Variants in PDZRN4 observed in about 807,000 individuals in gnomAD.
The protein encoded by PDZRN4 is PDZ domain containing ring finger 4.
PDZRN4 carries 70 observed loss-of-function variants against 99.0 expected under a neutral mutation model. The observed-to-expected ratio is 0.71, with a 90% CI of 0.58 to 0.86. The LOEUF is 0.86. Ranked by LOEUF, PDZRN4 falls within the 40% of genes least tolerant of loss-of-function variation. The pLI is 0.00. For missense variants in PDZRN4, 1,474 were observed against 1,331.2 expected (o/e 1.11, Z -1.67); for synonymous variants, 551 against 501.6 (o/e 1.10, Z -1.32).
At chr12:41,306,069 G>C (rs1477542873) in intron 3 of PDZRN4, among the ~76,000 whole-genome samples, 3 of 152,172 alleles carry the variant, frequency 2.0e-5, no homozygotes. Flanking sequence ...ATGGGTCCCA[G>C]ATAAACCTGA....
At position 41,571,372 on chromosome 12, in the gene PDZRN4, T is replaced by A. The variant is rs571094309; in HGVS notation, c.1585-992T>A. ...CTCTCTCTCTCTCTCTCTCTCTCTC[T>A]CTCTCACACACACACACACACACAC... On this transcript the variant is annotated intron_variant, in intron 9 of 9. Transcript: ENST00000402685. Among the ~76,000 whole-genome samples the A allele has an allele frequency of 2.0e-3, 203 of 103,676 alleles. 1 individual carries two copies. Among genetic ancestry groups the A allele is most frequent in the African/African-American group, 8.6e-3 (160 of 18,590 alleles). 68.0% of individuals were successfully genotyped at this position (103,676 alleles called of 152,430 possible).
intron 3 of PDZRN4, among the ~76,000 whole-genome samples, chr12:41,399,561 C>T (rs907037230): frequency 2.0e-5 from 3 of 151,884 alleles, no homozygotes; most frequent in Admixed American, 2.0e-4. Context: ...ATGGTGAAAC[C>T]CCATCTCTAC....
intron 3 of PDZRN4, among the ~76,000 whole-genome samples, chr12:41,212,283 G>T (rs1244983470): frequency 6.6e-6 from 1 of 151,914 alleles, no homozygotes; most frequent in African/African-American, 2.4e-5. Context: ...ACTTTCATTT[G>T]TTTCTTAGTG....
chr12:41,572,756 A>C lies in PDZRN4; in HGVS notation c.1977A>C (p.Gln659His), dbSNP rs1939504847. 1 of 1,614,048 alleles carries C rather than the reference A, an allele frequency of 6.2e-7. No homozygotes were observed. Among genetic ancestry groups the C allele is most frequent in the Non-Finnish European group, 8.5e-7 (1 of 1,180,014 alleles). Residue 659 changes from glutamine to histidine, a missense_variant, in exon 10 of 10, where the codon CAA (glutamine) becomes CAC (histidine). Gln to His is a conservative substitution (Grantham distance 24). Transcript: ENST00000402685. ...SSTIECNQGE[Q>H]EGVEHELQLL... ...CAATTGAATGCAATCAAGGGGAGCA[A>C]GAGGGAGTGGAGCATGAGCTACAGT...
chr12:41,470,093 G>T (rs1952971863), intron 3 of PDZRN4, among the ~76,000 whole-genome samples: 1 of 152,028 alleles, frequency 6.6e-6, no homozygotes, highest in Non-Finnish European at 1.5e-5. Context: ...TTGACTACTT[G>T]AAGGCCTTTA....
At chr12:41,521,568 C>T (rs2120715703) in intron 5 of PDZRN4, among the ~76,000 whole-genome samples, 1 of 152,186 alleles carries the variant, frequency 6.6e-6, no homozygotes, top group East Asian at 1.9e-4. Flanking sequence ...AGAACTTTGA[C>T]ATGGTGCATA....
rs377715366 is a variant in PDZRN4 at position 41,404,252 on chromosome 12, A to C, written c.844-102204A>C. ...CCCATGGATTCGGAAGACCAACTGT[A>C]AACATGGCCATAGAAATGCGAGTAG... On this transcript the variant is annotated intron_variant, in intron 3 of 9. Coordinates refer to ENST00000402685, the MANE Select transcript of PDZRN4 (RefSeq NM_001164595.2). Among the ~76,000 whole-genome samples, 30 of 152,286 alleles carry C rather than the reference A, an allele frequency of 2.0e-4. No homozygotes were observed. In the East Asian group the frequency reaches 4.8e-3, roughly 24 times the overall value.
intron 3 of PDZRN4, among the ~76,000 whole-genome samples, chr12:41,266,751 T>C (rs1418649616): frequency 6.6e-6 from 1 of 152,192 alleles, no homozygotes; most frequent in Non-Finnish European, 1.5e-5. Flanking sequence ...ATATGTTTGT[T>C]GGGAAAAAAT....
intron 3 of PDZRN4, among the ~76,000 whole-genome samples, chr12:41,495,663 A>T (rs533069705): frequency 1.1e-4 from 16 of 152,196 alleles, no homozygotes; most frequent in African/African-American, 3.6e-4. Flanking sequence ...AAATGAGGCC[A>T]CACTACTTTT....
intron 3 of PDZRN4, among the ~76,000 whole-genome samples, chr12:41,227,503 C>G (rs1428368204): frequency 6.6e-6 from 1 of 151,834 alleles, no homozygotes; most frequent in East Asian, 1.9e-4. Context: ...CATCTCTACC[C>G]AAAATACAAA....
intron 3 of PDZRN4, among the ~76,000 whole-genome samples, chr12:41,231,333 A>C (rs544740870): frequency 6.6e-6 from 1 of 152,182 alleles, no homozygotes; most frequent in African/African-American, 2.4e-5. Flanking sequence ...CAGCATTAAA[A>C]ACTCATTTGT....
intron 3 of PDZRN4, among the ~76,000 whole-genome samples, chr12:41,427,109 A>G (rs1262633817): frequency 6.6e-6 from 1 of 152,188 alleles, no homozygotes; most frequent in Non-Finnish European, 1.5e-5. Context: ...CTGTAACCAT[A>G]TGGCTGTTTT....
At chr12:41,457,837 T>C (rs1182905429) in intron 3 of PDZRN4, among the ~76,000 whole-genome samples, 1 of 152,170 alleles carries the variant, frequency 6.6e-6, no homozygotes, top group East Asian at 1.9e-4. Flanking sequence ...ATTTACTGAG[T>C]GTGAATGATT....
At chr12:41,546,703 C>T (rs1163545771) in intron 5 of PDZRN4, among the ~76,000 whole-genome samples, 1 of 152,086 alleles carries the variant, frequency 6.6e-6, no homozygotes, top group Non-Finnish European at 1.5e-5. Context: ...CATAAGGAGA[C>T]AGGAGTGAGC....
At chr12:41,537,488 TG>T (rs1348983987) in intron 5 of PDZRN4, among the ~76,000 whole-genome samples, 1 of 152,072 alleles carries the variant, frequency 6.6e-6, no homozygotes, top group Non-Finnish European at 1.5e-5. Context: ...ACAACAGAGT[TG>T]GTGGGTGGTT....
chr12:41,353,183 T>C (rs1432063828), intron 3 of PDZRN4, among the ~76,000 whole-genome samples: 1 of 152,122 alleles, frequency 6.6e-6, no homozygotes, highest in Non-Finnish European at 1.5e-5. Flanking sequence ...TGAGACAGAA[T>C]AGGATTTTTT....
Position 41,452,116 on chromosome 12 carries a change from C to CAA in PDZRN4, c.844-54328_844-54327dup, listed in dbSNP as rs34095768. Among the ~76,000 whole-genome samples the CAA allele has an allele frequency of 6.9e-3, 979 of 142,812 alleles. 13 individuals are homozygous for CAA. The highest frequency in any genetic ancestry group is 0.023 in the African/African-American group (919 of 39,474). The allele number at this position is 142,812 out of a possible 152,430, so 93.7% of individuals were successfully genotyped here. A position where few individuals can be genotyped will look rare whatever the true frequency, so the allele number is the denominator to read the frequency against. Reference sequence around the variant, plus strand: ...TTGCTTCTAGAAGGTGAATAAGAGACAAAAAAAAAAAAAGTGGCTAATAGG... The same window carrying CAA: ...TTGCTTCTAGAAGGTGAATAAGAGACAAAAAAAAAAAAAAAGTGGCTAATAGG... On this transcript the variant is annotated intron_variant, in intron 3 of 9. Coordinates refer to ENST00000402685, the MANE Select transcript of PDZRN4 (RefSeq NM_001164595.2).
At chr12:41,515,557 G>A (rs753864191) in intron 5 of PDZRN4, among the ~76,000 whole-genome samples, 3 of 151,998 alleles carry the variant, frequency 2.0e-5, no homozygotes. Flanking sequence ...TATTCTGTCA[G>A]TCTGGAGTTG....
intron 3 of PDZRN4, among the ~76,000 whole-genome samples, chr12:41,423,542 GC>G (rs1373526011): frequency 6.6e-6 from 1 of 151,980 alleles, no homozygotes; most frequent in Non-Finnish European, 1.5e-5. Context: ...CCAAAATTTT[GC>G]TGCATCTCTG....
Sources: allele counts gnomAD v4.1 joint callset (sites outside exome capture counted in the v4.1 genomes callset), GRCh38; gene constraint gnomAD v4.1.1; transcripts MANE v1.5; gene names NCBI Gene and HGNC (gene_info 2026-07-23, HGNC 2026-07-21).